CRB1: variants seen among roughly 807,000 people sequenced by gnomAD.
The protein encoded by CRB1 is crumbs cell polarity complex component 1, also known as protein crumbs homolog 1.
CRB1 carries 83 observed loss-of-function variants against 120.0 expected under a neutral mutation model. That is an observed-to-expected ratio of 0.69 (90% CI 0.58 to 0.83). CRB1 has a LOEUF of 0.83. Among genes scored for constraint, CRB1 ranks in the 40% least tolerant of loss-of-function variants. The probability of loss-of-function intolerance (pLI) is 0.00; values close to 1 mark genes in which losing one functional copy is unlikely to be tolerated. For missense variants in CRB1, 1,699 were observed against 1,687.6 expected, an observed-to-expected ratio of 1.01 and a Z score of -0.12; for synonymous variants, 625 against 612.5, an observed-to-expected ratio of 1.02 and a Z score of -0.30.
intron 6 of CRB1, among the ~76,000 whole-genome samples, chr1:197,424,394 GA>G (rs1412160555): frequency 4.6e-5 from 7 of 152,198 alleles, no homozygotes; most frequent in African/African-American, 1.4e-4. Context: ...AATATCTGAA[GA>G]AAAGTATCTC....
intron 5 of CRB1, among the ~76,000 whole-genome samples, chr1:197,415,033 C>A (rs1349299957): frequency 6.6e-6 from 1 of 152,060 alleles, no homozygotes; most frequent in Non-Finnish European, 1.5e-5. Flanking sequence ...AAATTTAAAA[C>A]TTGCTTTTCT....
intron 6 of CRB1, among the ~76,000 whole-genome samples, chr1:197,425,189 T>C (rs1664520556): frequency 6.6e-6 from 1 of 152,204 alleles, no homozygotes; most frequent in Non-Finnish European, 1.5e-5. Flanking sequence ...TTATCTCATA[T>C]GAAAGTGCTG....
the CRB1 span, among the ~76,000 whole-genome samples, chr1:197,238,495 G>A: frequency 6.6e-6 from 1 of 151,596 alleles, no homozygotes; most frequent in African/African-American, 2.4e-5. Flanking sequence ...TTTCTTAAAT[G>A]TAAAATCTCT....
intron 11 of CRB1, among the ~76,000 whole-genome samples, chr1:197,475,229 C>T (rs941127886): frequency 3.9e-5 from 6 of 152,110 alleles, no homozygotes; most frequent in African/African-American, 1.4e-4. Flanking sequence ...CTCCAAGGCA[C>T]CTAAGACCAG....
chr1:197,360,466 TG>T (rs1427503902), intron 5 of CRB1: 1 of 152,232 alleles, frequency 6.6e-6, no homozygotes, highest in African/African-American at 2.4e-5. Context: ...GACCTTGCTC[TG>T]TCTCTTCTCT....
intron 3 of CRB1, 29 bp from the exon 4 acceptor site, chr1:197,347,311 T>C: frequency 6.2e-7 from 1 of 1,603,272 alleles, no homozygotes; most frequent in Non-Finnish European, 8.5e-7. Context: ...TGACTAAGAG[T>C]TGACATGAAA....
At chr1:197,363,266 T>G (rs73071648) in intron 5 of CRB1, among the ~76,000 whole-genome samples, 5,475 of 152,214 alleles carry the variant, frequency 0.036, 325 homozygotes, top group African/African-American at 0.12. Context: ...TTGTGTTTAC[T>G]TATGTGTCTA....
intron 5 of CRB1, among the ~76,000 whole-genome samples, chr1:197,359,772 G>T (rs953564445): frequency 6.6e-6 from 1 of 151,784 alleles, no homozygotes; most frequent in African/African-American, 2.4e-5. Context: ...TGTTATCACT[G>T]TTTTTTTTAA....
chr1:197,252,582 A>ATATGTGTGTGTG, the CRB1 span, among the ~76,000 whole-genome samples: 49 of 15,472 alleles, frequency 3.2e-3, no homozygotes, highest in Non-Finnish European at 4.6e-3. Context: ...ATATATATAT[A>ATATGTGTGTGTG]TGTGTGTGTG....
chr1:197,355,223 C>T (rs548146259), intron 4 of CRB1, among the ~76,000 whole-genome samples: 1 of 152,152 alleles, frequency 6.6e-6, no homozygotes, highest in South Asian at 2.1e-4. Context: ...ATACAGAGTG[C>T]CCATTGGGCA....
At chr1:197,261,620 T>C in the CRB1 span, among the ~76,000 whole-genome samples, 2 of 152,228 alleles carry the variant, frequency 1.3e-5, no homozygotes, top group East Asian at 3.8e-4. Flanking sequence ...TATAAAACGA[T>C]ATTCATTAAC....
At chr1:197,343,093 C>G (rs1003885074) in intron 2 of CRB1, among the ~76,000 whole-genome samples, 2 of 152,046 alleles carry the variant, frequency 1.3e-5, no homozygotes, top group African/African-American at 4.8e-5. Flanking sequence ...GCTAGCTTCT[C>G]TTTTAAGTTG....
At chr1:197,348,377 G>A (rs899577213) in intron 4 of CRB1, among the ~76,000 whole-genome samples, 1 of 152,194 alleles carries the variant, frequency 6.6e-6, no homozygotes, top group Admixed American at 6.5e-5. Context: ...TGTAGGCCTA[G>A]ACTATGGTGT....
At position 197,282,161 on chromosome 1, in the gene CRB1, CTA is replaced by C. The variant is rs1279496146; in HGVS notation, c.70+13681_70+13682del. On this transcript the variant is annotated intron_variant, in intron 1 of 11. Transcript: ENST00000367400. ...AATAATTTATTCCTTTAAAAAATAACTATGTCACATAATTGAATTTAAAATGT... is the reference window on the plus strand; with the variant it reads ...AATAATTTATTCCTTTAAAAAATAACTGTCACATAATTGAATTTAAAATGT... 4.6e-5 allele frequency among the ~76,000 whole-genome samples: 7 copies of C among 151,220 alleles called. No individual in the cohort carries two copies. In the East Asian group the frequency reaches 1.2e-3, roughly 25 times the overall value.
At chr1:197,335,557 G>A (rs1290778177) in intron 2 of CRB1, among the ~76,000 whole-genome samples, 1 of 151,892 alleles carries the variant, frequency 6.6e-6, no homozygotes, top group Non-Finnish European at 1.5e-5. Flanking sequence ...GGAGTGCAGT[G>A]GTGCAATCTC....
At chr1:197,464,963 T>C (rs1382034032) in intron 11 of CRB1, among the ~76,000 whole-genome samples, 1 of 152,190 alleles carries the variant, frequency 6.6e-6, no homozygotes, top group African/African-American at 2.4e-5. Context: ...TTTGAGCCTT[T>C]TGTAGCAAAG....
chr1:197,353,243 C>T (rs2359151), intron 4 of CRB1, among the ~76,000 whole-genome samples: 84,652 of 151,538 alleles, frequency 0.56, 27,368 homozygotes, highest in South Asian at 0.81. Flanking sequence ...TAAGAGTTAG[C>T]CAAGAAAACA....
chr1:197,216,783 G>C, the CRB1 span, among the ~76,000 whole-genome samples: 1 of 152,138 alleles, frequency 6.6e-6, no homozygotes, highest in Non-Finnish European at 1.5e-5. Context: ...ATGAGTGTCA[G>C]CTGCCATAGG....
chr1:197,379,623 A>C (rs1268527780), intron 5 of CRB1, among the ~76,000 whole-genome samples: 8 of 151,534 alleles, frequency 5.3e-5, no homozygotes, highest in South Asian at 2.1e-4. Flanking sequence ...AAAAAAAAAA[A>C]AAAAAACCAT....
Sources: gnomAD v4.1 joint callset for allele counts (sites outside exome capture counted in the v4.1 genomes callset) on GRCh38, gnomAD v4.1.1 for gene constraint, MANE v1.5 for transcripts, NCBI Gene and HGNC (gene_info 2026-07-23, HGNC 2026-07-21) for gene names.